GPC5: variants seen among roughly 807,000 people sequenced by gnomAD.
The protein encoded by GPC5 is glypican-5.
GPC5 carries 47 observed loss-of-function variants against 53.9 expected under a neutral mutation model. That is an observed-to-expected ratio of 0.87 (90% CI 0.69 to 1.11). The LOEUF is 1.11. GPC5 is among the 50% of genes most tolerant of loss of function. The pLI, the probability that GPC5 is intolerant of heterozygous loss-of-function variation, is 0.00. For missense variants in GPC5, 748 were observed against 713.1 expected, an observed-to-expected ratio of 1.05 and a Z score of -0.56; for synonymous variants, 286 against 263.3, an observed-to-expected ratio of 1.09 and a Z score of -0.84.
chr13:92,526,809 A>G (rs982775044), intron 7 of GPC5, among the ~76,000 whole-genome samples: 2 of 151,986 alleles, frequency 1.3e-5, no homozygotes, highest in East Asian at 3.9e-4. Context: ...AATTATCAAG[A>G]TATCTTGAAG....
rs567396676 is a variant in GPC5 at position 91,437,801 on chromosome 13, A to C, written c.164-10960A>C. 5.9e-5 allele frequency among the ~76,000 whole-genome samples: 9 copies of C among 152,348 alleles called. No individual in the cohort carries two copies. The South Asian group carries it at 6.2e-4, about 11-fold the overall frequency. ...CCCGTCACTTTCAGGTACACCAATCAGACATAGATTTGGTCTTTTCACATA... is the reference window on the plus strand; with the variant it reads ...CCCGTCACTTTCAGGTACACCAATCCGACATAGATTTGGTCTTTTCACATA... On this transcript the variant is annotated intron_variant, in intron 1 of 7. Transcript: ENST00000377067.
chr13:92,555,945 A>C, intron 7 of GPC5, among the ~76,000 whole-genome samples: 1 of 151,732 alleles, frequency 6.6e-6, no homozygotes, highest in Admixed American at 6.6e-5. Context: ...TTCATATACA[A>C]GTGTATACTA....
In GPC5 at chr13:91,568,403, C is replaced by T. The variant is rs2031631078; in HGVS notation, c.325+119481C>T. 2.0e-5 allele frequency among the ~76,000 whole-genome samples: 3 copies of T among 152,060 alleles called. No homozygotes were observed. The South Asian group carries it at 6.2e-4, about 31-fold the overall frequency. ...GAGAACTGAACAAACTTATAAAATGCTTCAGTAGATCAGCAGTTGCTTTTA... is the reference window on the plus strand; with the variant it reads ...GAGAACTGAACAAACTTATAAAATGTTTCAGTAGATCAGCAGTTGCTTTTA... On this transcript the variant is annotated intron_variant, in intron 2 of 7. Coordinates refer to ENST00000377067, the MANE Select transcript of GPC5 (RefSeq NM_004466.6).
At chr13:92,094,238 C>T (rs190706003) in intron 6 of GPC5, among the ~76,000 whole-genome samples, 112 of 152,060 alleles carry the variant, frequency 7.4e-4, no homozygotes, top group African/African-American at 2.7e-3. Context: ...ACTTTTCGGC[C>T]GGGCACGGTG....
At chr13:92,510,091 T>A (rs1162045462) in intron 7 of GPC5, 1 of 152,164 alleles carries the variant, frequency 6.6e-6, no homozygotes, top group African/African-American at 2.4e-5. Flanking sequence ...CCAATACTAT[T>A]TTTGATATAT....
At chr13:92,598,883 G>T (rs997219905) in intron 7 of GPC5, among the ~76,000 whole-genome samples, 1 of 152,134 alleles carries the variant, frequency 6.6e-6, no homozygotes, top group African/African-American at 2.4e-5. Context: ...TGGGTGTGGT[G>T]GTGGGCACCT....
chr13:91,579,435 C>A (rs2032264159), intron 2 of GPC5, among the ~76,000 whole-genome samples: 1 of 151,990 alleles, frequency 6.6e-6, no homozygotes, highest in African/African-American at 2.4e-5. Flanking sequence ...GTCTCTCTTC[C>A]CTCTTGTCAG....
chr13:92,431,655 G>A lies in GPC5; in HGVS notation c.1561+286666G>A, dbSNP rs186509523. Among the ~76,000 whole-genome samples the A allele has an allele frequency of 2.6e-5, 4 of 152,146 alleles. No individual in the cohort carries two copies. The East Asian group carries it at 7.7e-4, about 29-fold the overall frequency. ...GGCCATGGTGAGGAGGAGAGCTTGT[G>A]GGAAAGCCATCGGAGAGGTTTAGCA... On this transcript the variant is annotated intron_variant, in intron 7 of 7. Transcript: ENST00000377067.
chr13:92,834,816 G>A (rs1878168752), intron 7 of GPC5, among the ~76,000 whole-genome samples: 1 of 152,060 alleles, frequency 6.6e-6, no homozygotes, highest in Non-Finnish European at 1.5e-5. Flanking sequence ...CAGCCACTAA[G>A]GGCCATAGTG....
At chr13:92,245,152 G>C (rs2042641294) in intron 7 of GPC5, among the ~76,000 whole-genome samples, 1 of 151,658 alleles carries the variant, frequency 6.6e-6, no homozygotes, top group African/African-American at 2.4e-5. Flanking sequence ...CAAAATCTTT[G>C]AGCTACTTCC....
At chr13:91,526,889 CTT>C (rs1411780551) in intron 2 of GPC5, among the ~76,000 whole-genome samples, 2 of 152,158 alleles carry the variant, frequency 1.3e-5, no homozygotes, top group Admixed American at 6.5e-5. Context: ...GAAATTGACA[CTT>C]TTAAATCATC....
intron 7 of GPC5, among the ~76,000 whole-genome samples, chr13:92,396,870 G>A (rs1439203519): frequency 1.3e-5 from 2 of 152,172 alleles, no homozygotes. Context: ...TGAATAATCT[G>A]ATGGGAGCAA....
At chr13:91,718,251 C>T (rs1462355564) in intron 3 of GPC5, among the ~76,000 whole-genome samples, 11 of 152,106 alleles carry the variant, frequency 7.2e-5, no homozygotes, top group Non-Finnish European at 1.6e-4. Flanking sequence ...GCTGGGACTA[C>T]AGGCGTCTGC....
At chr13:91,959,007 A>G (rs908905219) in intron 6 of GPC5, among the ~76,000 whole-genome samples, 1 of 151,536 alleles carries the variant, frequency 6.6e-6, no homozygotes, top group Non-Finnish European at 1.5e-5. Context: ...CCAAATTGCT[A>G]GAAGGAAAGG....
At chr13:92,827,309 C>T (rs1008221171) in intron 7 of GPC5, among the ~76,000 whole-genome samples, 2 of 152,068 alleles carry the variant, frequency 1.3e-5, no homozygotes, top group Admixed American at 6.6e-5. Context: ...AAAAGTATAT[C>T]CTTGTGGCTA....
chr13:92,866,352 C>T lies in GPC5; in HGVS notation c.1632C>T (p.Asp544=), dbSNP rs1430624251. ...IHQTDTGSTL[D]TTGAGCAVAT... ...AAACAGACACTGGCAGTACTTTAGA[C>T]ACAACAGGAGCAGGATGTGCAGTGG... Residue 544 remains aspartate, a synonymous_variant, in exon 8 of 8, where the codon GAC becomes GAT. Transcript: ENST00000377067. 1 of 1,613,122 alleles carries T rather than the reference C, an allele frequency of 6.2e-7. No individual in the cohort carries two copies. The highest frequency in any genetic ancestry group is 1.1e-5 in the South Asian group (1 of 91,026).
intron 4 of GPC5, among the ~76,000 whole-genome samples, chr13:91,731,725 C>T (rs2036702734): frequency 6.6e-6 from 1 of 152,046 alleles, no homozygotes; most frequent in Admixed American, 6.6e-5. Flanking sequence ...TGTTCCCCTC[C>T]CTATATACAT....
At chr13:92,130,278 G>A (rs1414851366) in intron 6 of GPC5, among the ~76,000 whole-genome samples, 3 of 151,430 alleles carry the variant, frequency 2.0e-5, no homozygotes, top group African/African-American at 4.9e-5. Flanking sequence ...AAAGTTCTTC[G>A]GACTAAGAAA....
chr13:92,121,908 A>T (rs1156616828), intron 6 of GPC5, among the ~76,000 whole-genome samples: 1 of 152,220 alleles, frequency 6.6e-6, no homozygotes, highest in Non-Finnish European at 1.5e-5. Flanking sequence ...AGAGAAAAAA[A>T]TTAGGATTGG....
Sources: allele counts gnomAD v4.1 joint callset (sites outside exome capture counted in the v4.1 genomes callset), GRCh38; gene constraint gnomAD v4.1.1; transcripts MANE v1.5; gene names NCBI Gene and HGNC (gene_info 2026-07-23, HGNC 2026-07-21).